NCALD: variants seen among roughly 807,000 people sequenced by gnomAD.
NCALD encodes neurocalcin delta, also known as neurocalcin-delta.
In NCALD, 10 loss-of-function variants were observed where a neutral mutation model predicts 18.6. The ratio of observed to expected loss-of-function variants is 0.54; its 90% CI spans 0.33 to 0.91. The LOEUF is 0.91. Among genes scored for constraint, NCALD ranks in the 40% least tolerant of loss-of-function variants. NCALD has a pLI of 0.03. For missense variants in NCALD, 184 were observed against 247.6 expected, an observed-to-expected ratio of 0.74 and a Z score of 1.72; for synonymous variants, 88 against 87.4, an observed-to-expected ratio of 1.01 and a Z score of -0.04.
chr8:101,957,996 G>T (rs1045344075), intron 2 of NCALD, among the ~76,000 whole-genome samples: 1 of 152,026 alleles, frequency 6.6e-6, no homozygotes, highest in African/African-American at 2.4e-5. Context: ...CCTCAGCATC[G>T]CCCATACTAT....
intron 2 of NCALD, among the ~76,000 whole-genome samples, chr8:101,926,922 C>A (rs1818355163): frequency 6.6e-6 from 1 of 152,152 alleles, no homozygotes; most frequent in African/African-American, 2.4e-5. Context: ...TGTTCCTATA[C>A]CATACAAAGA....
At chr8:101,695,319 C>G (rs1361154819) in intron 2 of NCALD, among the ~76,000 whole-genome samples, 3 of 152,156 alleles carry the variant, frequency 2.0e-5, no homozygotes, top group African/African-American at 7.2e-5. Flanking sequence ...CATTATCAAT[C>G]TTCTTTGGGG....
intron 2 of NCALD, among the ~76,000 whole-genome samples, chr8:101,956,598 G>GGA (rs146847752): frequency 2.0e-5 from 3 of 151,308 alleles, no homozygotes; most frequent in African/African-American, 4.9e-5. Context: ...AGAGGGAGGT[G>GGA]GAGAGAGAGA....
chr8:102,113,140 A>G (rs1415503396), intron 1 of NCALD, among the ~76,000 whole-genome samples: 1 of 152,210 alleles, frequency 6.6e-6, no homozygotes, highest in Non-Finnish European at 1.5e-5. Context: ...GTATAGACAG[A>G]CCTAAAAATA....
At chr8:101,809,526 C>G (rs910431302) in intron 4 of NCALD, among the ~76,000 whole-genome samples, 2 of 152,028 alleles carry the variant, frequency 1.3e-5, no homozygotes, top group African/African-American at 4.8e-5. Context: ...ATAATAGAAT[C>G]TGTGTTTTTG....
chr8:101,700,596 G>A (rs938671533), intron 2 of NCALD, among the ~76,000 whole-genome samples: 5 of 152,084 alleles, frequency 3.3e-5, no homozygotes, highest in Non-Finnish European at 5.9e-5. Flanking sequence ...TGTGGCCCAC[G>A]AAATTCTTCT....
At chr8:101,973,472 G>A (rs1284623528) in intron 2 of NCALD, among the ~76,000 whole-genome samples, 1 of 152,124 alleles carries the variant, frequency 6.6e-6, no homozygotes, top group Non-Finnish European at 1.5e-5. Flanking sequence ...CATATCAAAG[G>A]TGCATATTCC....
chr8:101,722,347 G>A (rs917926232), intron 1 of NCALD, among the ~76,000 whole-genome samples: 4 of 152,102 alleles, frequency 2.6e-5, no homozygotes, highest in African/African-American at 9.7e-5. Context: ...TTGCTAAGTT[G>A]GCAATTTGCC....
intron 4 of NCALD, among the ~76,000 whole-genome samples, chr8:101,810,472 A>G (rs1266394837): frequency 6.6e-6 from 1 of 152,192 alleles, no homozygotes; most frequent in Non-Finnish European, 1.5e-5. Flanking sequence ...TGGATCTGCT[A>G]GAAATGTGAT....
At chr8:101,842,720 C>T (rs188391637) in intron 4 of NCALD, among the ~76,000 whole-genome samples, 2 of 152,342 alleles carry the variant, frequency 1.3e-5, no homozygotes, top group African/African-American at 4.8e-5. Flanking sequence ...ATTTATATCT[C>T]ATTAGCCAAA....
At chr8:102,005,097 T>C (rs1821647244) in intron 2 of NCALD, among the ~76,000 whole-genome samples, 2 of 152,212 alleles carry the variant, frequency 1.3e-5, no homozygotes, top group South Asian at 4.1e-4. Flanking sequence ...ACAGGCAACC[T>C]ACAAAATGGG....
intron 4 of NCALD, among the ~76,000 whole-genome samples, chr8:101,822,504 G>A (rs1813761892): frequency 1.3e-5 from 2 of 152,126 alleles, no homozygotes; most frequent in African/African-American, 4.8e-5. Context: ...TTAGATCCAA[G>A]CAGTGGGAGA....
intron 2 of NCALD, among the ~76,000 whole-genome samples, chr8:102,001,784 T>A (rs181889440): frequency 6.6e-6 from 1 of 152,130 alleles, no homozygotes; most frequent in Non-Finnish European, 1.5e-5. Flanking sequence ...CTAAGCTTCA[T>A]AAGTGAAGGA....
rs763519938 is a variant in NCALD, at chr8:101,911,732, C to T, written c.-107+4077G>A. Reference sequence around the variant, plus strand: ...TTTCATCTTGGCTACTAATGAGCTGCGTTTCCACGAATTACCTGCTTTCTT... The same window carrying T: ...TTTCATCTTGGCTACTAATGAGCTGTGTTTCCACGAATTACCTGCTTTCTT... On this transcript the variant is annotated intron_variant, in intron 3 of 6. Coordinates refer to the NCALD transcript ENST00000311028. 4.6e-5 allele frequency among the ~76,000 whole-genome samples: 7 copies of T among 152,114 alleles called. 1 individual carries two copies. The highest frequency in any genetic ancestry group is 1.3e-4 in the Admixed American group (2 of 15,274).
At chr8:102,070,364 A>G (rs1279426486) in intron 1 of NCALD, among the ~76,000 whole-genome samples, 1 of 152,150 alleles carries the variant, frequency 6.6e-6, no homozygotes, top group Non-Finnish European at 1.5e-5. Flanking sequence ...CATTTATATT[A>G]TTTAATCCAA....
chr8:101,731,544 A>T (rs1391574892), intron 1 of NCALD, among the ~76,000 whole-genome samples: 1 of 152,122 alleles, frequency 6.6e-6, no homozygotes. Context: ...GGTCTGCCTG[A>T]GTTATAGTGA....
At chr8:102,101,388 G>A (rs1587083896) in intron 1 of NCALD, among the ~76,000 whole-genome samples, 2 of 152,342 alleles carry the variant, frequency 1.3e-5, no homozygotes, top group East Asian at 1.9e-4. Flanking sequence ...AAGGGTGTCT[G>A]CAGGCCTCTA....
intron 1 of NCALD, among the ~76,000 whole-genome samples, chr8:102,079,957 C>T (rs540966302): frequency 2.2e-4 from 33 of 152,308 alleles, no homozygotes; most frequent in Non-Finnish European, 4.0e-4. Flanking sequence ...GCCACAGCAA[C>T]GAGGCAGAAC....
rs146717322 is a variant in NCALD, at chr8:101,934,874, G to T, written c.-156-19016C>A. Among the ~76,000 whole-genome samples the T allele has an allele frequency of 2.9e-4, 44 of 152,198 alleles. No individual in the cohort carries two copies. In the East Asian group the frequency reaches 7.9e-3, roughly 27 times the overall value. On this transcript the variant is annotated intron_variant, in intron 2 of 6. Transcript: ENST00000311028. Reference sequence around the variant, plus strand: ...GAGATAAGATTTAAATACACAAAGAGAATATAAGAATCAACTTGGGCCATC... The same window carrying T: ...GAGATAAGATTTAAATACACAAAGATAATATAAGAATCAACTTGGGCCATC...
Sources: gnomAD v4.1 joint callset for allele counts (sites outside exome capture counted in the v4.1 genomes callset) on GRCh38, gnomAD v4.1.1 for gene constraint, MANE v1.5 for transcripts, NCBI Gene and HGNC (gene_info 2026-07-23, HGNC 2026-07-21) for gene names.